Variants in PRDM11 observed in about 807,000 individuals in gnomAD.
PRDM11 encodes PR/SET domain 11.
A neutral mutation model predicts 97.8 loss-of-function variants in PRDM11; 20 were observed. The ratio of observed to expected loss-of-function variants is 0.20; its 90% confidence interval spans 0.14 to 0.30. The LOEUF is 0.30. Among genes scored for constraint, PRDM11 ranks in the 10% least tolerant of loss-of-function variants. The pLI, the probability that PRDM11 is intolerant of heterozygous loss-of-function variation, is 1.00. For synonymous variants in PRDM11, 599 were observed against 637.7 expected, an observed-to-expected ratio of 0.94 and a Z score of 0.91; for missense variants, 1,139 against 1,555.2, an observed-to-expected ratio of 0.73 and a Z score of 4.50.
intron 1 of PRDM11, among the ~76,000 whole-genome samples, chr11:45,157,619 G>T (rs1851832116): frequency 6.6e-6 from 1 of 152,226 alleles, no homozygotes; most frequent in Non-Finnish European, 1.5e-5. Flanking sequence ...ATTGTGTCTT[G>T]TGGAGTAGGT....
At chr11:45,125,867 G>C (rs917028569) in intron 1 of PRDM11, among the ~76,000 whole-genome samples, 1 of 152,126 alleles carries the variant, frequency 6.6e-6, no homozygotes, top group African/African-American at 2.4e-5. Flanking sequence ...CGCTTGGTGT[G>C]GAGCTGAGTT....
chr11:45,168,188 G>A (rs1852114229), intron 1 of PRDM11, among the ~76,000 whole-genome samples: 1 of 152,212 alleles, frequency 6.6e-6, no homozygotes, highest in South Asian at 2.1e-4. Flanking sequence ...GGGAGGAGAA[G>A]GGGATGGGGG....
chr11:45,195,279 T>C (rs1006360317), intron 4 of PRDM11, among the ~76,000 whole-genome samples: 8 of 152,204 alleles, frequency 5.3e-5, no homozygotes, highest in Admixed American at 2.0e-4. Context: ...TTTGACTATA[T>C]TCACAGGTAT....
intron 1 of PRDM11, among the ~76,000 whole-genome samples, chr11:45,156,361 C>T (rs1851793164): frequency 1.3e-5 from 2 of 152,324 alleles, no homozygotes; most frequent in South Asian, 2.1e-4. Context: ...CATGGAGCGG[C>T]CCCTTGTGCT....
intron 1 of PRDM11, among the ~76,000 whole-genome samples, chr11:45,166,837 C>T (rs1012486290): frequency 6.6e-6 from 1 of 152,218 alleles, no homozygotes; most frequent in Non-Finnish European, 1.5e-5. Flanking sequence ...AGTGCCTCCT[C>T]CTCCACTTGC....
In PRDM11 at chr11:45,182,850, C is replaced by T; in HGVS notation, c.224-11C>T. The T allele has an allele frequency of 6.4e-7, 1 of 1,562,100 alleles. No individual in the cohort carries two copies. The highest frequency in any genetic ancestry group is 8.7e-7 in the Non-Finnish European group (1 of 1,152,856). ...CAACTGAGGCCCTCCCTTCTCTTTC[C>T]ATCCCTCCAGTCTGTGAGTCCTGCC... On this transcript the variant is annotated splice_polypyrimidine_tract_variant and intron_variant, in intron 3 of 7. Coordinates refer to ENST00000683152, the MANE Select transcript of PRDM11 (RefSeq NM_001384648.1).
intron 1 of PRDM11, among the ~76,000 whole-genome samples, chr11:45,180,742 G>T (rs1852459556): frequency 6.7e-6 from 1 of 149,816 alleles, no homozygotes; most frequent in South Asian, 2.1e-4. Context: ...GAAGGCTGGC[G>T]AGAGGGGGAG....
chr11:45,158,797 C>G (rs1253623464), intron 1 of PRDM11, among the ~76,000 whole-genome samples: 1 of 151,982 alleles, frequency 6.6e-6, no homozygotes, highest in Non-Finnish European at 1.5e-5. Context: ...CTTCTCGGTG[C>G]CCCCCCTTCT....
chr11:45,170,875 TC>T (rs1366560118), intron 1 of PRDM11, among the ~76,000 whole-genome samples: 1 of 152,080 alleles, frequency 6.6e-6, no homozygotes, highest in Non-Finnish European at 1.5e-5. Flanking sequence ...TTAGGTCTGT[TC>T]CATGGCTTCC....
intron 5 of PRDM11, among the ~76,000 whole-genome samples, chr11:45,207,075 G>A (rs552435526): frequency 1.3e-4 from 20 of 152,290 alleles, no homozygotes; most frequent in African/African-American, 4.8e-4. Context: ...CAGCTGGTGG[G>A]CTCTCATCTT....
intron 1 of PRDM11, 147 bp from the exon 2 acceptor site, chr11:45,181,614 T>A (rs2135735488): frequency 1.5e-6 from 1 of 651,464 alleles, no homozygotes; most frequent in East Asian, 2.7e-5. Context: ...CTGTTTTTGT[T>A]GTCTGTGTTC....
intron 4 of PRDM11, among the ~76,000 whole-genome samples, chr11:45,194,934 G>T (rs760319604): frequency 5.3e-5 from 8 of 152,048 alleles, no homozygotes; most frequent in Admixed American, 2.0e-4. Context: ...GGAAACTGGG[G>T]CTTAAAAGGC....
chr11:45,184,334 G>A (rs1025620370), intron 4 of PRDM11, among the ~76,000 whole-genome samples: 3 of 152,200 alleles, frequency 2.0e-5, no homozygotes, highest in Non-Finnish European at 4.4e-5. Flanking sequence ...GAGTGACTTG[G>A]TCACATTTAT....
intron 1 of PRDM11, among the ~76,000 whole-genome samples, chr11:45,153,017 A>G (rs1259220411): frequency 6.6e-6 from 1 of 152,186 alleles, no homozygotes; most frequent in Non-Finnish European, 1.5e-5. Flanking sequence ...GCCAAATAAG[A>G]GGCTTTCGTA....
chr11:45,158,456 G>C (rs1441658408), intron 1 of PRDM11, among the ~76,000 whole-genome samples: 1 of 152,244 alleles, frequency 6.6e-6, no homozygotes, highest in Non-Finnish European at 1.5e-5. Flanking sequence ...CCAGCTGCCT[G>C]GGGTCCTACA....
rs548403953 is a variant in PRDM11 at position 45,201,785 on chromosome 11, G to T, written c.487-2926G>T. ...GATCAAGACCATCCTGGCTAACACGGTGAAACGCTGTCTCTACTAAAAAAA... is the reference window on the plus strand; with the variant it reads ...GATCAAGACCATCCTGGCTAACACGTTGAAACGCTGTCTCTACTAAAAAAA... On this transcript the variant is annotated intron_variant, in intron 4 of 7. Transcript: ENST00000683152. 3.9e-5 allele frequency among the ~76,000 whole-genome samples: 6 copies of T among 152,044 alleles called. No individual in the cohort carries two copies. The South Asian group carries it at 1.0e-3, about 26-fold the overall frequency.
At chr11:45,212,210 G>A (rs1389648262) in intron 5 of PRDM11, among the ~76,000 whole-genome samples, 1 of 152,142 alleles carries the variant, frequency 6.6e-6, no homozygotes, top group Non-Finnish European at 1.5e-5. Context: ...CGGTCTCCAA[G>A]TCCCCTGGCC....
At chr11:45,208,604 C>G (rs1853601060) in intron 5 of PRDM11, among the ~76,000 whole-genome samples, 1 of 152,146 alleles carries the variant, frequency 6.6e-6, no homozygotes, top group African/African-American at 2.4e-5. Context: ...TGCCCTAGCT[C>G]TCACCGCTAG....
chr11:45,133,018 T>C (rs1852754600), intron 1 of PRDM11, among the ~76,000 whole-genome samples: 1 of 152,184 alleles, frequency 6.6e-6, no homozygotes, highest in Non-Finnish European at 1.5e-5. Flanking sequence ...AAAAGTCCTC[T>C]TTCTGGTGTT....
Sources: allele counts gnomAD v4.1 joint callset (sites outside exome capture counted in the v4.1 genomes callset), GRCh38; gene constraint gnomAD v4.1.1; transcripts MANE v1.5; gene names NCBI Gene and HGNC (gene_info 2026-07-23, HGNC 2026-07-21).